KYNU: variants seen among roughly 807,000 people sequenced by gnomAD.
KYNU encodes the protein L-kynurenine hydrolase.
KYNU carries 54 observed loss-of-function variants against 59.2 expected under a neutral mutation model. The observed-to-expected ratio is 0.91, with a 90% CI of 0.73 to 1.14. The LOEUF is 1.14. Ranked by LOEUF, KYNU falls within the 50% of genes most tolerant of loss-of-function variation. KYNU has a pLI of 0.00. For synonymous variants in KYNU, 177 were observed against 192.0 expected (o/e 0.92, Z 0.65); for missense variants, 567 against 554.4 (o/e 1.02, Z -0.23).
chr2:143,025,925 A>T (rs2104908246), intron 10 of KYNU, among the ~76,000 whole-genome samples: 1 of 152,344 alleles, frequency 6.6e-6, no homozygotes, highest in African/African-American at 2.4e-5. Flanking sequence ...AAAATTAATC[A>T]TTTGCATAAT....
intron 8 of KYNU, among the ~76,000 whole-genome samples, chr2:142,968,216 A>G (rs1218886581): frequency 6.6e-6 from 1 of 152,212 alleles, no homozygotes; most frequent in East Asian, 1.9e-4. Context: ...AAATAGAAAC[A>G]CCTAACTTAA....
intron 11 of KYNU, among the ~76,000 whole-genome samples, chr2:143,030,505 T>G (rs1686708058): frequency 6.6e-6 from 1 of 152,214 alleles, no homozygotes; most frequent in Non-Finnish European, 1.5e-5. Context: ...AAACAAGGTC[T>G]TGTTCTGTCA....
intron 10 of KYNU, among the ~76,000 whole-genome samples, chr2:143,022,294 T>A (rs925336985): frequency 1.3e-5 from 2 of 152,086 alleles, no homozygotes; most frequent in Non-Finnish European, 2.9e-5. Flanking sequence ...ATAATCTTAT[T>A]TTTCCTTTAG....
chr2:142,897,153 G>T (rs1015597342), intron 2 of KYNU, among the ~76,000 whole-genome samples: 1 of 152,134 alleles, frequency 6.6e-6, no homozygotes, highest in African/African-American at 2.4e-5. Context: ...TTTGACCCAG[G>T]ACAATGGTCT....
At chr2:143,028,719 A>G (rs1686652183) in intron 10 of KYNU, among the ~76,000 whole-genome samples, 1 of 151,888 alleles carries the variant, frequency 6.6e-6, no homozygotes, top group Non-Finnish European at 1.5e-5. Flanking sequence ...GTGGTGGCAC[A>G]TGCCTGCAAC....
chr2:142,897,329 G>C (rs1166158982), intron 2 of KYNU, among the ~76,000 whole-genome samples: 1 of 152,152 alleles, frequency 6.6e-6, no homozygotes, highest in Non-Finnish European at 1.5e-5. Context: ...GAGGACCCTG[G>C]TCACAGATTT....
chr2:142,981,892 A>G (rs1014927440), intron 8 of KYNU, among the ~76,000 whole-genome samples: 10 of 152,094 alleles, frequency 6.6e-5, no homozygotes, highest in African/African-American at 2.2e-4. Context: ...TTTGTGGGCC[A>G]TATGGTCCCT....
intron 10 of KYNU, among the ~76,000 whole-genome samples, chr2:143,027,163 C>G (rs761485129): frequency 1.3e-5 from 2 of 152,168 alleles, no homozygotes; most frequent in African/African-American, 2.4e-5. Flanking sequence ...ATACACAAAT[C>G]TTGGTGTACT....
At chr2:142,972,961 A>C (rs1453049525) in intron 8 of KYNU, among the ~76,000 whole-genome samples, 1 of 149,628 alleles carries the variant, frequency 6.7e-6, no homozygotes, top group Non-Finnish European at 1.5e-5. Context: ...GACCAAGAAA[A>C]AGATTGTATC....
At chr2:143,026,461 G>GGGAGT (rs963050987) in intron 10 of KYNU, among the ~76,000 whole-genome samples, 1 of 152,242 alleles carries the variant, frequency 6.6e-6, no homozygotes, top group Non-Finnish European at 1.5e-5. Flanking sequence ...CCTCGCGGGA[G>GGGAGT]GGAGTGCACG....
chr2:142,921,935 T>C (rs549014277), intron 3 of KYNU, among the ~76,000 whole-genome samples: 1 of 152,330 alleles, frequency 6.6e-6, no homozygotes, highest in African/African-American at 2.4e-5. Flanking sequence ...TTTTTTGTAC[T>C]AAAATCAAAC....
chr2:143,030,396 A>G (rs1686705884), intron 11 of KYNU, among the ~76,000 whole-genome samples: 1 of 152,224 alleles, frequency 6.6e-6, no homozygotes, highest in Non-Finnish European at 1.5e-5. Flanking sequence ...ACGTGCTTTG[A>G]GAGTTCAACA....
At chr2:142,936,479 T>C (rs1683394506) in intron 4 of KYNU, among the ~76,000 whole-genome samples, 1 of 151,848 alleles carries the variant, frequency 6.6e-6, no homozygotes, top group Admixed American at 6.6e-5. Context: ...TAACGGAGGG[T>C]AGGCATGGGA....
At chr2:142,925,592 T>C (rs1683022266) in intron 3 of KYNU, among the ~76,000 whole-genome samples, 1 of 152,200 alleles carries the variant, frequency 6.6e-6, no homozygotes, top group African/African-American at 2.4e-5. Flanking sequence ...ATGTGGAAAA[T>C]GAAGCCCTAT....
At chr2:143,006,046 G>A (rs962487993) in intron 10 of KYNU, among the ~76,000 whole-genome samples, 1 of 152,126 alleles carries the variant, frequency 6.6e-6, no homozygotes, top group African/African-American at 2.4e-5. Context: ...TACACTGGAG[G>A]GAGGAGCCAA....
At chr2:142,883,361 AT>A (rs899475113) in intron 1 of KYNU, among the ~76,000 whole-genome samples, 18 of 147,092 alleles carry the variant, frequency 1.2e-4, no homozygotes, top group Admixed American at 5.4e-4. Flanking sequence ...CGCACGGCTA[AT>A]TTTTTTTTTG....
At chr2:142,960,519 CT>C in intron 7 of KYNU, 104 bp from the exon 8 acceptor site, 1 of 953,618 alleles carries the variant, frequency 1.0e-6, no homozygotes, top group East Asian at 2.7e-5. Context: ...AAAAAAAAAA[CT>C]ATTTTATAAT....
chr2:142,950,588 A>C (rs1019061440), intron 4 of KYNU, among the ~76,000 whole-genome samples: 1 of 152,090 alleles, frequency 6.6e-6, no homozygotes, highest in Non-Finnish European at 1.5e-5. Flanking sequence ...CACAGGAAAA[A>C]CCTGCCCCCA....
Position 143,047,069 on chromosome 2 carries a change from TG to T in KYNU, c.*4898del, listed in dbSNP as rs968515845. 2.6e-5 allele frequency: 4 copies of T among 152,174 alleles called. No homozygotes were observed. Among genetic ancestry groups the T allele is most frequent in the Non-Finnish European group, 4.4e-5 (3 of 68,022 alleles). 9.4% of individuals were successfully genotyped at this position (152,174 alleles called of 1,614,324 possible). On this transcript the variant is annotated 3_prime_UTR_variant, in exon 14 of 14. Transcript: ENST00000264170. ...TATTGTCATTCCACATTATCTTTTTTGTTGTTGTTTTAAAAGACAGGGTCTC... is the reference window on the plus strand; with the variant it reads ...TATTGTCATTCCACATTATCTTTTTTTTGTTGTTTTAAAAGACAGGGTCTC...
Sources: allele counts gnomAD v4.1 joint callset (sites outside exome capture counted in the v4.1 genomes callset), GRCh38; gene constraint gnomAD v4.1.1; transcripts MANE v1.5; gene names NCBI Gene and HGNC (gene_info 2026-07-23, HGNC 2026-07-21).